Variants in TMEM117 observed in about 807,000 individuals in gnomAD.
TMEM117 encodes transmembrane protein 117.
A neutral mutation model predicts 52.4 loss-of-function variants in TMEM117; 27 were observed. That is an observed-to-expected ratio of 0.51 (90% CI 0.38 to 0.71). The LOEUF is 0.71. TMEM117 is among the 30% of genes least tolerant of loss of function. The pLI is 0.00. For synonymous variants in TMEM117, 215 were observed against 206.3 expected (o/e 1.04, Z -0.36); for missense variants, 556 against 630.5 (o/e 0.88, Z 1.26).
In TMEM117 at chr12:44,381,233, T is replaced by G. The variant is rs533152646; in HGVS notation, c.898+4509T>G. Reference sequence around the variant, plus strand: ...GGGCTTCAGTAACAAAGGGAATAAATGGTTAGTGATTAAGTCACACTGGTA... The same window carrying G: ...GGGCTTCAGTAACAAAGGGAATAAAGGGTTAGTGATTAAGTCACACTGGTA... On this transcript the variant is annotated intron_variant, in intron 7 of 7. Coordinates refer to ENST00000266534, the MANE Select transcript of TMEM117 (RefSeq NM_032256.3). Among the ~76,000 whole-genome samples the G allele has an allele frequency of 2.6e-5, 4 of 152,320 alleles. No individual in the cohort carries two copies. In the East Asian group the frequency reaches 7.7e-4, roughly 29 times the overall value.
At chr12:43,893,482 A>G (rs568055800) in intron 2 of TMEM117, among the ~76,000 whole-genome samples, 8 of 152,232 alleles carry the variant, frequency 5.3e-5, no homozygotes, top group Non-Finnish European at 7.4e-5. Flanking sequence ...ATTCCCACTA[A>G]AAATTTCTCA....
At chr12:44,176,689 C>A (rs1020415493) in intron 4 of TMEM117, among the ~76,000 whole-genome samples, 2 of 152,068 alleles carry the variant, frequency 1.3e-5, no homozygotes. Context: ...TTAGTTAAAC[C>A]AAAAGGAAAT....
rs571005472 is a variant in TMEM117, at chr12:44,213,502, A to C, written c.608+2115A>C. The stretch of plus-strand genomic sequence containing the variant: ...GTCTCTCTTAAAACAATATTTATTT[A>C]CTATGTTTACACATGTTTCTTATTA... On this transcript the variant is annotated intron_variant, in intron 5 of 7. Coordinates refer to ENST00000266534, the MANE Select transcript of TMEM117 (RefSeq NM_032256.3). Among the ~76,000 whole-genome samples, 19 of 152,346 alleles carry C rather than the reference A, an allele frequency of 1.2e-4. 1 individual carries two copies. In the East Asian group the frequency reaches 1.9e-3, roughly 15 times the overall value.
rs147550824 is a variant in TMEM117, at chr12:44,257,042, G to A, written c.609-42538G>A. 1.2e-3 allele frequency among the ~76,000 whole-genome samples: 181 copies of A among 149,776 alleles called. 1 individual carries two copies. Among genetic ancestry groups the A allele is most frequent in the African/African-American group, 4.0e-3 (161 of 40,640 alleles). ...ACCCTTCTTCACATAAAGGAAGAAA[G>A]GATTTATGAAATATCTATTGCATAC... On this transcript the variant is annotated intron_variant, in intron 5 of 7. Transcript: ENST00000266534.
intron 3 of TMEM117, among the ~76,000 whole-genome samples, chr12:43,973,881 A>G (rs1294651883): frequency 6.6e-6 from 1 of 152,206 alleles, no homozygotes; most frequent in African/African-American, 2.4e-5. Flanking sequence ...CATTATAGTG[A>G]CTTTAAAATC....
At chr12:44,047,642 A>T (rs1040006915) in intron 3 of TMEM117, among the ~76,000 whole-genome samples, 4 of 152,234 alleles carry the variant, frequency 2.6e-5, no homozygotes, top group Non-Finnish European at 5.9e-5. Context: ...TACCAGCTAA[A>T]TTGAATAGTC....
At chr12:44,065,106 TG>T (rs1200264689) in intron 3 of TMEM117, among the ~76,000 whole-genome samples, 5 of 152,286 alleles carry the variant, frequency 3.3e-5, no homozygotes, top group African/African-American at 9.6e-5. Context: ...GTAAACTGGC[TG>T]GGCATGGTGG....
chr12:43,833,077 C>G (rs1942991850), upstream of TMEM117, among the ~76,000 whole-genome samples: 1 of 152,172 alleles, frequency 6.6e-6, no homozygotes, highest in Admixed American at 6.5e-5. Flanking sequence ...TGAAAACAAG[C>G]CTTGCCCATT....
Position 44,253,835 on chromosome 12 carries a change from T to TACACACACAC in TMEM117, c.608+42481_608+42490dup, listed in dbSNP as rs10565033. 6.2e-3 allele frequency among the ~76,000 whole-genome samples: 846 copies of TACACACACAC among 136,310 alleles called. 1 individual carries two copies. Among genetic ancestry groups the TACACACACAC allele is most frequent in the African/African-American group, 9.4e-3 (358 of 37,904 alleles). 89.4% of individuals were successfully genotyped at this position (136,310 alleles called of 152,430 possible). A position where few individuals can be genotyped will look rare whatever the true frequency, so the allele number is the denominator to read the frequency against. On this transcript the variant is annotated intron_variant, in intron 5 of 7. Coordinates refer to ENST00000266534, the MANE Select transcript of TMEM117 (RefSeq NM_032256.3). The stretch of plus-strand genomic sequence containing the variant: ...GCTACTGTGCTATACTGATAATTCC[T>TACACACACAC]ACACACACACACACACACACACACA...
chr12:43,972,711 C>T (rs1017475672), intron 3 of TMEM117, among the ~76,000 whole-genome samples: 1 of 152,052 alleles, frequency 6.6e-6, no homozygotes, highest in Non-Finnish European at 1.5e-5. Context: ...GTGGATTTTA[C>T]AAACCTCTAG....
At chr12:43,852,360 G>C (rs142324451) in intron 2 of TMEM117, among the ~76,000 whole-genome samples, 5,695 of 152,232 alleles carry the variant, frequency 0.037, 267 homozygotes, top group African/African-American at 0.1. Flanking sequence ...GAACCCGGGA[G>C]GCAGAGCTTT....
rs1443788920 is a variant in TMEM117 at position 44,138,567 on chromosome 12, A to G, written c.411-4958A>G. 2.0e-5 allele frequency among the ~76,000 whole-genome samples: 3 copies of G among 152,176 alleles called. No individual in the cohort carries two copies. In the East Asian group the frequency reaches 5.8e-4, roughly 29 times the overall value. ...GTCTTCTTAGATATGTCTTCCTTATAGAACTTAGAGGGAATTAATGGCTAA... is the reference window on the plus strand; with the variant it reads ...GTCTTCTTAGATATGTCTTCCTTATGGAACTTAGAGGGAATTAATGGCTAA... On this transcript the variant is annotated intron_variant, in intron 3 of 7. Transcript: ENST00000266534.
chr12:44,087,587 C>T (rs185704900), intron 3 of TMEM117, among the ~76,000 whole-genome samples: 44 of 152,066 alleles, frequency 2.9e-4, no homozygotes, highest in Non-Finnish European at 2.1e-4. Context: ...CTCAGCCTGC[C>T]GAGAGCAGCT....
chr12:44,315,150 G>A (rs1447072904), intron 6 of TMEM117, among the ~76,000 whole-genome samples: 1 of 151,782 alleles, frequency 6.6e-6, no homozygotes, highest in Admixed American at 6.6e-5. Context: ...TCTTTTATTT[G>A]TTAATCTAGC....
At chr12:43,892,041 C>T (rs1731459) in intron 2 of TMEM117, among the ~76,000 whole-genome samples, 109,046 of 152,092 alleles carry the variant, frequency 0.72, 42,212 homozygotes, top group East Asian at 0.87. Context: ...TTATAAGCTG[C>T]TGTCAAAATA....
chr12:43,814,640 G>A, the TMEM117 span, among the ~76,000 whole-genome samples: 2 of 151,910 alleles, frequency 1.3e-5, no homozygotes, highest in Non-Finnish European at 2.9e-5. Context: ...TGCAGCTCCT[G>A]TGGAGGTGTG....
intron 3 of TMEM117, among the ~76,000 whole-genome samples, chr12:44,133,329 T>C (rs1948442990): frequency 6.6e-6 from 1 of 152,148 alleles, no homozygotes; most frequent in Non-Finnish European, 1.5e-5. Context: ...CTAGCCTTCA[T>C]GACAGTGAGT....
At chr12:44,084,840 C>A (rs932718429) in intron 3 of TMEM117, among the ~76,000 whole-genome samples, 2 of 152,164 alleles carry the variant, frequency 1.3e-5, no homozygotes, top group Non-Finnish European at 2.9e-5. Context: ...TACCATCAGA[C>A]CAGTGCTCCC....
chr12:44,046,466 G>A (rs2137911948), intron 3 of TMEM117, among the ~76,000 whole-genome samples: 1 of 152,302 alleles, frequency 6.6e-6, no homozygotes, highest in African/African-American at 2.4e-5. Context: ...GTATTACCAT[G>A]CCCTGTGATT....
Sources: gnomAD v4.1 joint callset for allele counts (sites outside exome capture counted in the v4.1 genomes callset) on GRCh38, gnomAD v4.1.1 for gene constraint, MANE v1.5 for transcripts, NCBI Gene and HGNC (gene_info 2026-07-23, HGNC 2026-07-21) for gene names.